RBFOX1: variants seen among roughly 807,000 people sequenced by gnomAD.
The protein encoded by RBFOX1 is RNA binding protein fox-1 homolog 1.
A neutral mutation model predicts 57.7 loss-of-function variants in RBFOX1; 8 were observed. The ratio of observed to expected loss-of-function variants is 0.14; its 90% CI spans 0.08 to 0.25. RBFOX1 has a LOEUF of 0.25. Among genes scored for constraint, RBFOX1 ranks in the 10% least tolerant of loss-of-function variants. The pLI is 1.00. For synonymous variants in RBFOX1, 326 were observed against 222.4 expected (o/e 1.47, Z -4.15); for missense variants, 611 against 548.5 (o/e 1.11, Z -1.14).
intron 1 of RBFOX1, among the ~76,000 whole-genome samples, chr16:5,439,150 G>A (rs1450125976): frequency 6.6e-6 from 1 of 152,144 alleles, no homozygotes; most frequent in South Asian, 2.1e-4. Context: ...AAGCAAGCAG[G>A]GTGGGATAAG....
intron 13 of RBFOX1, among the ~76,000 whole-genome samples, chr16:7,666,473 T>G (rs2069314545): frequency 6.6e-6 from 1 of 152,202 alleles, no homozygotes; most frequent in South Asian, 2.1e-4. Context: ...ACGCCTCAGT[T>G]TCTTCAAACT....
intron 2 of RBFOX1, among the ~76,000 whole-genome samples, chr16:6,618,186 C>A (rs972488132): frequency 6.6e-6 from 1 of 152,156 alleles, no homozygotes; most frequent in Non-Finnish European, 1.5e-5. Context: ...CTCTCCAGTT[C>A]ACCTCCCAGC....
intron 3 of RBFOX1, among the ~76,000 whole-genome samples, chr16:6,973,632 A>AT (rs528444771): frequency 5.9e-5 from 9 of 152,086 alleles, no homozygotes; most frequent in African/African-American, 1.4e-4. Context: ...TCAAAGAAAC[A>AT]TTTTTTTTAA....
At chr16:7,534,741 C>T (rs998627373) in intron 5 of RBFOX1, among the ~76,000 whole-genome samples, 5 of 151,668 alleles carry the variant, frequency 3.3e-5, no homozygotes, top group African/African-American at 1.2e-4. Flanking sequence ...GGAGACTATC[C>T]ACTCGTAGCA....
chr16:5,262,506 G>A (rs2062759694), intron 1 of RBFOX1, among the ~76,000 whole-genome samples: 1 of 152,184 alleles, frequency 6.6e-6, no homozygotes, highest in Non-Finnish European at 1.5e-5. Flanking sequence ...GACTCGAGTT[G>A]GAACTATATC....
intron 3 of RBFOX1, among the ~76,000 whole-genome samples, chr16:5,609,246 G>A (rs1295404676): frequency 2.0e-5 from 3 of 152,140 alleles, no homozygotes; most frequent in African/African-American, 4.8e-5. Flanking sequence ...TTCATTACCC[G>A]AATTGGTAGA....
intron 3 of RBFOX1, among the ~76,000 whole-genome samples, chr16:6,912,537 T>A (rs2071918747): frequency 6.6e-6 from 1 of 152,184 alleles, no homozygotes; most frequent in African/African-American, 2.4e-5. Flanking sequence ...CTTCTGAGAT[T>A]TAGGTTTAAA....
At chr16:6,900,219 A>G (rs894945339) in intron 3 of RBFOX1, among the ~76,000 whole-genome samples, 2 of 152,184 alleles carry the variant, frequency 1.3e-5, no homozygotes, top group African/African-American at 4.8e-5. Flanking sequence ...TGAATAATTC[A>G]CTTGCTATTT....
chr16:7,179,406 C>T (rs913953843), intron 4 of RBFOX1, among the ~76,000 whole-genome samples: 2 of 152,152 alleles, frequency 1.3e-5, no homozygotes, highest in African/African-American at 4.8e-5. Context: ...TGCCTTCCAT[C>T]TCTCTCAATG....
chr16:6,600,127 C>G (rs1438683459), intron 2 of RBFOX1, among the ~76,000 whole-genome samples: 1 of 152,156 alleles, frequency 6.6e-6, no homozygotes, highest in Non-Finnish European at 1.5e-5. Flanking sequence ...CTTCCCTTAC[C>G]AGACCCATCA....
chr16:6,815,342 C>T (rs764726363), intron 3 of RBFOX1, among the ~76,000 whole-genome samples: 1 of 152,134 alleles, frequency 6.6e-6, no homozygotes, highest in Non-Finnish European at 1.5e-5. Flanking sequence ...GAACTCCTGT[C>T]TCATCCTGTG....
intron 1 of RBFOX1, among the ~76,000 whole-genome samples, chr16:6,205,483 A>G (rs114193788): frequency 2.6e-5 from 4 of 152,272 alleles, no homozygotes; most frequent in East Asian, 3.9e-4. Context: ...TTCTGCTGCC[A>G]TGTTTATAAA....
intron 3 of RBFOX1, among the ~76,000 whole-genome samples, chr16:6,898,340 TGAG>T (rs2067491524): frequency 4.0e-5 from 6 of 151,130 alleles, no homozygotes; most frequent in Admixed American, 4.0e-4. Context: ...TGGAGGGGGG[TGAG>T]GAGAGCAGTC....
chr16:6,746,037 T>C (rs1276369135), intron 3 of RBFOX1, among the ~76,000 whole-genome samples: 1 of 152,156 alleles, frequency 6.6e-6, no homozygotes, highest in Non-Finnish European at 1.5e-5. Context: ...TTTTGAACAG[T>C]GAAATACTTA....
intron 1 of RBFOX1, among the ~76,000 whole-genome samples, chr16:6,220,813 G>A (rs1718581396): frequency 6.6e-6 from 1 of 151,882 alleles, no homozygotes; most frequent in Non-Finnish European, 1.5e-5. Flanking sequence ...TCCACCCTCA[G>A]ATGTATTTTT....
chr16:6,869,689 C>G (rs1301530289), intron 3 of RBFOX1, among the ~76,000 whole-genome samples: 3 of 152,178 alleles, frequency 2.0e-5, no homozygotes, highest in Admixed American at 6.5e-5. Context: ...TTCTAGGACA[C>G]ACATTCATGC....
intron 4 of RBFOX1, among the ~76,000 whole-genome samples, chr16:7,195,439 G>A (rs1002247732): frequency 6.6e-6 from 1 of 152,160 alleles, no homozygotes; most frequent in African/African-American, 2.4e-5. Context: ...CTGGGCAGGT[G>A]GCTGTCCTCT....
chr16:5,388,294 G>A (rs888126348), intron 1 of RBFOX1, among the ~76,000 whole-genome samples: 1 of 152,104 alleles, frequency 6.6e-6, no homozygotes, highest in African/African-American at 2.4e-5. Context: ...GGTTGGGTTG[G>A]GGGCTTCTTT....
chr16:7,489,819 C>A (rs2066462614), intron 4 of RBFOX1, among the ~76,000 whole-genome samples: 1 of 152,040 alleles, frequency 6.6e-6, no homozygotes, highest in Non-Finnish European at 1.5e-5. Context: ...CCACGCCCAG[C>A]TAAGTTATGC....
Sources: allele counts gnomAD v4.1 joint callset (sites outside exome capture counted in the v4.1 genomes callset), GRCh38; gene constraint gnomAD v4.1.1; transcripts MANE v1.5; gene names NCBI Gene and HGNC (gene_info 2026-07-23, HGNC 2026-07-21).